GFPT2: variants seen among roughly 807,000 people sequenced by gnomAD.
GFPT2 encodes the protein glutamine--fructose-6-phosphate transaminase 2, also known as glutamine--fructose-6-phosphate aminotransferase [isomerizing] 2.
GFPT2 carries 62 observed loss-of-function variants against 85.6 expected under a neutral mutation model. The ratio of observed to expected loss-of-function variants is 0.72; its 90% confidence interval spans 0.59 to 0.90. GFPT2 has a LOEUF of 0.90. Among genes scored for constraint, GFPT2 ranks in the 40% least tolerant of loss-of-function variants. GFPT2 has a pLI of 0.00. For missense variants in GFPT2, 788 were observed against 893.4 expected (o/e 0.88, Z 1.50); for synonymous variants, 368 against 344.5 (o/e 1.07, Z -0.75).
At chr5:180,343,474 T>A (rs377331949) in intron 1 of GFPT2, among the ~76,000 whole-genome samples, 3 of 152,108 alleles carry the variant, frequency 2.0e-5, no homozygotes, top group Non-Finnish European at 2.9e-5. Flanking sequence ...TGCCAAGGAG[T>A]GTGGTTTTCA....
intron 18 of GFPT2, 70 bp from the exon 19 acceptor site, chr5:180,301,678 T>G: frequency 1.6e-6 from 2 of 1,267,918 alleles, no homozygotes; most frequent in Non-Finnish European, 2.3e-6. Flanking sequence ...CACAGACAAT[T>G]TTCAGAGTAC....
intron 17 of GFPT2, 22 bp from the exon 18 acceptor site, chr5:180,302,606 A>G: frequency 1.3e-6 from 2 of 1,593,540 alleles, no homozygotes; most frequent in Non-Finnish European, 1.7e-6. Flanking sequence ...AAATAGCATC[A>G]TAAAATAGAC....
chr5:180,341,652 G>A (rs189339803), intron 1 of GFPT2, among the ~76,000 whole-genome samples: 50 of 152,022 alleles, frequency 3.3e-4, no homozygotes, highest in Admixed American at 7.9e-4. Context: ...AGTTACAGGC[G>A]TTTTCCTTTA....
At chr5:180,317,758 CAAAA>C (rs11356791) in intron 10 of GFPT2, among the ~76,000 whole-genome samples, 4 of 83,198 alleles carry the variant, frequency 4.8e-5, no homozygotes, top group Admixed American at 1.3e-4. Context: ...GACTCCGTCT[CAAAA>C]AAAAAAAAAA....
chr5:180,353,315 G>A lies in GFPT2; in HGVS notation c.-98C>T, dbSNP rs1335287645. On this transcript the variant is annotated 5_prime_UTR_variant, in exon 1 of 19. In the 5' UTR this introduces an upstream ATG that the reference lacks. Coordinates refer to ENST00000253778, the MANE Select transcript of GFPT2 (RefSeq NM_005110.4). The stretch of plus-strand genomic sequence containing the variant: ...CTCCTCCGTGGGCTCCGTGGGCTCC[G>A]TGGGCTCCGCGGGCTCCAGCTCCCG... 1.5e-5 allele frequency: 14 copies of A among 952,272 alleles called. No homozygotes were observed. The East Asian group carries it at 3.0e-4, about 20-fold the overall frequency. The allele number at this position is 952,272 out of a possible 1,614,324, so 59.0% of individuals were successfully genotyped here. A position where few individuals can be genotyped will look rare whatever the true frequency, so the allele number is the denominator to read the frequency against.
intron 1 of GFPT2, among the ~76,000 whole-genome samples, chr5:180,347,287 T>C (rs902335241): frequency 1.4e-4 from 21 of 152,208 alleles, no homozygotes; most frequent in Admixed American, 1.0e-3. Context: ...GGGCCAAGCA[T>C]CCTTCCTACC....
At chr5:180,337,029 C>G (rs1334408466) in intron 2 of GFPT2, among the ~76,000 whole-genome samples, 1 of 152,252 alleles carries the variant, frequency 6.6e-6, no homozygotes, top group Non-Finnish European at 1.5e-5. Flanking sequence ...CGGGCTCCCC[C>G]TTTCTCCTCA....
chr5:180,314,518 TTG>T (rs1554133379), intron 13 of GFPT2, among the ~76,000 whole-genome samples: 3 of 152,184 alleles, frequency 2.0e-5, no homozygotes, highest in Non-Finnish European at 4.4e-5. Context: ...CTCCCTATGT[TTG>T]TGAGTCCTAA....
chr5:180,335,027 G>C (rs541664507), intron 4 of GFPT2, among the ~76,000 whole-genome samples: 1 of 152,208 alleles, frequency 6.6e-6, no homozygotes, highest in South Asian at 2.1e-4. Context: ...ACACAGACCT[G>C]TGAGCTGGCC....
chr5:180,353,173 G>C lies in GFPT2; in HGVS notation c.7+38C>G, dbSNP rs550048415. ...GGCTGCGGCGCCGGGACCCGCGGAC[G>C]GCGTGGAGGAGGCGGCTCGGGCGGG... is the stretch of plus-strand genomic sequence containing the variant. On this transcript the variant is annotated intron_variant, in intron 1 of 18. Coordinates refer to ENST00000253778, the MANE Select transcript of GFPT2 (RefSeq NM_005110.4). The C allele has an allele frequency of 5.7e-6, 7 of 1,231,282 alleles. No individual in the cohort carries two copies. The South Asian group carries it at 1.2e-4, about 22-fold the overall frequency. The allele number at this position is 1,231,282 out of a possible 1,614,324, so 76.3% of individuals were successfully genotyped here.
chr5:180,350,646 G>A (rs1329253589), intron 1 of GFPT2, among the ~76,000 whole-genome samples: 10 of 152,182 alleles, frequency 6.6e-5, no homozygotes, highest in African/African-American at 2.4e-4. Flanking sequence ...AAAGGAGAGA[G>A]ACAGGGAGGA....
At chr5:180,303,408 A>T (rs1393336749) in intron 17 of GFPT2, among the ~76,000 whole-genome samples, 1 of 152,208 alleles carries the variant, frequency 6.6e-6, no homozygotes, top group Non-Finnish European at 1.5e-5. Flanking sequence ...GGCATTCCAG[A>T]CAGCAGGAGC....
At chr5:180,311,229 T>C (rs572367674) in intron 15 of GFPT2, among the ~76,000 whole-genome samples, 1 of 152,336 alleles carries the variant, frequency 6.6e-6, no homozygotes, top group South Asian at 2.1e-4. Context: ...GAGCGTTCCA[T>C]GCCAGCCTGG....
chr5:180,308,787 T>A (rs2127647155), intron 15 of GFPT2, among the ~76,000 whole-genome samples: 1 of 152,294 alleles, frequency 6.6e-6, no homozygotes, highest in East Asian at 1.9e-4. Context: ...CAAAGGTATG[T>A]AAATCTTCTT....
rs1453159542 is a variant in GFPT2 at position 180,328,064 on chromosome 5, C to T, written c.596+213G>A. Among the ~76,000 whole-genome samples the T allele has an allele frequency of 2.0e-5, 3 of 148,296 alleles. No homozygotes were observed. The highest frequency in any genetic ancestry group is 3.0e-5 in the Non-Finnish European group (2 of 66,524). The stretch of plus-strand genomic sequence containing the variant: ...AGATTTCAAACACAAATCCAACTTT[C>T]TGGTTTCTTTTTTTTTTTTTTTAAT... On this transcript the variant is annotated intron_variant, in intron 7 of 18. Coordinates refer to ENST00000253778, the MANE Select transcript of GFPT2 (RefSeq NM_005110.4). This position sits in a 1 kb window ranked among gnomAD's most constrained non-coding sequence, Gnocchi z 5.4.
chr5:180,327,283 C>T (rs1433148734), intron 7 of GFPT2, among the ~76,000 whole-genome samples: 1 of 152,214 alleles, frequency 6.6e-6, no homozygotes, highest in Non-Finnish European at 1.5e-5. Flanking sequence ...AGTGTCCATA[C>T]CACCTTGCTC....
chr5:180,336,591 A>C lies in GFPT2; in HGVS notation c.116-14T>G, dbSNP rs772417727. 20 of 1,539,338 alleles carry C rather than the reference A, an allele frequency of 1.3e-5. No individual in the cohort carries two copies. The highest frequency in any genetic ancestry group is 2.2e-5 in the East Asian group (1 of 44,532). On this transcript the variant is annotated splice_polypyrimidine_tract_variant and intron_variant, in intron 2 of 18. Coordinates refer to ENST00000253778, the MANE Select transcript of GFPT2 (RefSeq NM_005110.4). ...CGATCGCCACACCTGTGATGTAGAC[A>C]GCATTTGTTATATTGCAACCAAAGC...
At chr5:180,327,771 A>G (rs2127653091) in intron 7 of GFPT2, among the ~76,000 whole-genome samples, 1 of 152,184 alleles carries the variant, frequency 6.6e-6, no homozygotes, top group East Asian at 1.9e-4. Flanking sequence ...TAACAGAGGG[A>G]CACATTGGGG....
In GFPT2 at chr5:180,331,487, C is replaced by A. The variant is rs759470520; in HGVS notation, c.399+8G>T. The A allele has an allele frequency of 6.6e-7, 1 of 1,520,996 alleles. No individual in the cohort carries two copies. The highest frequency in any genetic ancestry group is 1.1e-5 in the South Asian group (1 of 89,138). The allele number at this position is 1,520,996 out of a possible 1,614,324, so 94.2% of individuals were successfully genotyped here. A position where few individuals can be genotyped will look rare whatever the true frequency, so the allele number is the denominator to read the frequency against. ...GGACTGAGACATCACCTAGGGGAAG[C>A]ATCTTACCAGAAATTTCCTCAGATC... On this transcript the variant is annotated splice_region_variant and intron_variant, in intron 5 of 18. Coordinates refer to ENST00000253778, the MANE Select transcript of GFPT2 (RefSeq NM_005110.4).
Sources: allele counts gnomAD v4.1 joint callset (sites outside exome capture counted in the v4.1 genomes callset), GRCh38; gene constraint gnomAD v4.1.1; non-coding constraint Gnocchi (gnomAD v3.1); transcripts MANE v1.5; gene names NCBI Gene and HGNC (gene_info 2026-07-23, HGNC 2026-07-21).